The following TDRD5 variants were observed in gnomAD, a reference collection of about 807,000 sequenced individuals.
TDRD5 encodes the protein tudor domain-containing protein 5.
Under a neutral mutation model 120.6 loss-of-function variants are expected in TDRD5, and 41 were observed. The ratio of observed to expected loss-of-function variants is 0.34; its 90% CI spans 0.26 to 0.44. The LOEUF (loss-of-function observed/expected upper bound fraction) is 0.44. Among genes scored for constraint, TDRD5 ranks in the 20% least tolerant of loss-of-function variants. The probability of loss-of-function intolerance (pLI) is 1.00; values close to 1 mark genes in which losing one functional copy is unlikely to be tolerated. For missense variants in TDRD5, 1,006 were observed against 1,221.2 expected (o/e 0.82, Z 2.63); for synonymous variants, 430 against 433.7 (o/e 0.99, Z 0.11).
At position 179,618,599 on chromosome 1, in the gene TDRD5, C is replaced by G. The variant is rs367640101; in HGVS notation, c.832C>G (p.Leu278Val). ...TGACTTTTTTTTTCTTTTTTCATAG[C>G]TGGAGAACACATTCAAATCAGTTAT... ...RLNHTEKLNQ[L>V]ENTFKSVIAQ... Residue 278 changes from leucine (L) to valine (V), a missense_variant and splice_region_variant, in exon 5 of 18, where the codon CTG becomes GTG. This residue lies in a region of TDRD5 where 445 missense variants were observed against 515.5 expected (regional missense o/e 0.86). Coordinates refer to ENST00000444136, the MANE Select transcript of TDRD5 (RefSeq NM_001199085.3). 141 of 1,582,738 alleles carry G rather than the reference C, an allele frequency of 8.9e-5. No homozygotes were observed. Among genetic ancestry groups the G allele is most frequent in the Non-Finnish European group, 1.2e-4 (135 of 1,167,826 alleles).
intron 5 of TDRD5, among the ~76,000 whole-genome samples, chr1:179,620,363 T>C (rs966149303): frequency 6.6e-5 from 10 of 152,172 alleles, no homozygotes; most frequent in African/African-American, 2.4e-4. Context: ...TAAAAATCAT[T>C]GAACTAGTAT....
At chr1:179,607,662 G>A (rs10913832) in intron 4 of TDRD5, among the ~76,000 whole-genome samples, 14,608 of 151,640 alleles carry the variant, frequency 0.096, 804 homozygotes, top group African/African-American at 0.13. Flanking sequence ...TAAGAACCTC[G>A]GGACAGTAAA....
In TDRD5 at chr1:179,690,969, C is replaced by T. The variant is rs368077681; in HGVS notation, c.*26C>T. 8.7e-5 allele frequency: 139 copies of T among 1,594,732 alleles called. No individual in the cohort carries two copies. The African/African-American group carries it at 1.8e-3, about 20-fold the overall frequency. On this transcript the variant is annotated 3_prime_UTR_variant, in exon 18 of 18. Coordinates refer to ENST00000444136, the MANE Select transcript of TDRD5 (RefSeq NM_001199085.3). ...GGGAGGGAGGGAGGAGGGAGAAAAA[C>T]AGAATCCAGCCGCTTAGGCTTTGAT...
chr1:179,662,792 G>A (rs536815973), intron 15 of TDRD5, among the ~76,000 whole-genome samples: 1 of 152,216 alleles, frequency 6.6e-6, no homozygotes, highest in Non-Finnish European at 1.5e-5. Flanking sequence ...TAAACCATAG[G>A]CCAATTTTTG....
At chr1:179,615,721 C>A (rs1041724881) in intron 4 of TDRD5, among the ~76,000 whole-genome samples, 3 of 151,906 alleles carry the variant, frequency 2.0e-5, no homozygotes, top group African/African-American at 7.3e-5. Context: ...TTTAAAAAAT[C>A]TCCACTGCAT....
At chr1:179,632,805 T>A (rs1233182574) in intron 7 of TDRD5, among the ~76,000 whole-genome samples, 1 of 152,194 alleles carries the variant, frequency 6.6e-6, no homozygotes, top group Admixed American at 6.5e-5. Flanking sequence ...TGGGGTTCTA[T>A]CCCAATAAAC....
chr1:179,653,235 A>G (rs72706759), intron 13 of TDRD5, among the ~76,000 whole-genome samples: 5,787 of 152,290 alleles, frequency 0.038, 173 homozygotes, highest in East Asian at 0.11. Context: ...TATTGATACA[A>G]TGTCTTTTTA....
intron 17 of TDRD5, among the ~76,000 whole-genome samples, chr1:179,686,377 A>G (rs1437741894): frequency 6.6e-6 from 1 of 152,218 alleles, no homozygotes; most frequent in African/African-American, 2.4e-5. Flanking sequence ...CCAGCCTTGC[A>G]TTCCAGGGAT....
rs541406055 is a variant in TDRD5, at chr1:179,638,250, A to G, written c.1521-1589A>G. 1.3e-3 allele frequency among the ~76,000 whole-genome samples: 110 copies of G among 82,412 alleles called. 21 individuals are homozygous for G. The highest frequency in any genetic ancestry group is 4.2e-3 in the African/African-American group (101 of 24,136). 54.1% of individuals were successfully genotyped at this position (82,412 alleles called of 152,430 possible). A position where few individuals can be genotyped will look rare whatever the true frequency, so the allele number is the denominator to read the frequency against. On this transcript the variant is annotated intron_variant, in intron 9 of 17. Transcript: ENST00000444136. ...CTATTAGTGGACTAGTCTTGATGAG[A>G]GTGAGACTAGAAAGGAAGAGATAAA...
chr1:179,685,527 T>C (rs1302850355), intron 17 of TDRD5, among the ~76,000 whole-genome samples: 10 of 152,212 alleles, frequency 6.6e-5, no homozygotes, highest in Admixed American at 3.9e-4. Flanking sequence ...CAATGCGGGC[T>C]CTGTTTTGGT....
At chr1:179,649,511 C>T (rs1461123676) in intron 11 of TDRD5, among the ~76,000 whole-genome samples, 1 of 152,014 alleles carries the variant, frequency 6.6e-6, no homozygotes, top group Non-Finnish European at 1.5e-5. Flanking sequence ...TATATCTGAT[C>T]TGTTACTGAA....
Position 179,669,354 on chromosome 1 carries a change from C to T in TDRD5, c.2810C>T (p.Pro937Leu). 6.2e-7 allele frequency: 1 copy of T among 1,614,164 alleles called. No individual in the cohort carries two copies. Among genetic ancestry groups the T allele is most frequent in the African/African-American group, 1.3e-5 (1 of 75,036 alleles). Residue 937 changes from proline (P) to leucine (L), a missense_variant, in exon 17 of 18, where the codon CCC becomes CTC. This residue lies in a region of TDRD5 where 403 missense variants were observed against 448.1 expected (regional missense o/e 0.90). Coordinates refer to ENST00000444136, the MANE Select transcript of TDRD5 (RefSeq NM_001199085.3). ...PKQIQLSTAA[P>L]CSTTAVDDSA... is the part of the protein sequence containing the mutation. The stretch of plus-strand genomic sequence containing the variant: ...CAAATTCAGCTTTCCACAGCAGCAC[C>T]CTGTTCAACAACTGCAGTGGATGAT...
intron 4 of TDRD5, among the ~76,000 whole-genome samples, chr1:179,612,032 A>G (rs1237821470): frequency 1.3e-5 from 2 of 152,188 alleles, no homozygotes; most frequent in East Asian, 3.9e-4. Context: ...CTGTAGATCT[A>G]TTAGTTTGTT....
In TDRD5 at chr1:179,636,015, A is replaced by G. The variant is rs1315090461; in HGVS notation, c.1520+128A>G. The stretch of plus-strand genomic sequence containing the variant: ...GCTTTTTTTTATCAGTATTTATTGT[A>G]TAGAAATTAAAACTGTAAAATTTTA... On this transcript the variant is annotated intron_variant, in intron 9 of 17. Coordinates refer to ENST00000444136, the MANE Select transcript of TDRD5 (RefSeq NM_001199085.3). 15 of 626,694 alleles carry G rather than the reference A, an allele frequency of 2.4e-5. No individual in the cohort carries two copies. The Admixed American group carries it at 3.8e-4, about 16-fold the overall frequency. 38.8% of individuals were successfully genotyped at this position (626,694 alleles called of 1,614,324 possible).
chr1:179,600,471 A>G (rs1255515793), intron 4 of TDRD5, among the ~76,000 whole-genome samples: 3 of 152,200 alleles, frequency 2.0e-5, no homozygotes, highest in Non-Finnish European at 4.4e-5. Flanking sequence ...AGGTTATACC[A>G]TCTAGGTCTG....
intron 9 of TDRD5, among the ~76,000 whole-genome samples, chr1:179,637,814 C>T (rs141846075): frequency 2.0e-3 from 299 of 152,114 alleles, no homozygotes; most frequent in African/African-American, 6.9e-3. Context: ...TTTGCCTTTG[C>T]GAATACTGTG....
intron 17 of TDRD5, among the ~76,000 whole-genome samples, chr1:179,686,577 C>T (rs74851327): frequency 6.6e-6 from 1 of 152,140 alleles, no homozygotes; most frequent in African/African-American, 2.4e-5. Context: ...GGGGAGGATT[C>T]CCTCTTTTTC....
chr1:179,602,071 G>A (rs1387609024), intron 4 of TDRD5, among the ~76,000 whole-genome samples: 1 of 152,200 alleles, frequency 6.6e-6, no homozygotes, highest in Non-Finnish European at 1.5e-5. Context: ...CTCCCAAAGT[G>A]CTGGGATTAC....
chr1:179,641,421 T>A (rs1678042312), intron 11 of TDRD5, among the ~76,000 whole-genome samples: 1 of 151,680 alleles, frequency 6.6e-6, no homozygotes, highest in Admixed American at 6.6e-5. Flanking sequence ...TCTTAGCTAC[T>A]CAGGAGGCTG....
Sources: gnomAD v4.1 joint callset for allele counts (sites outside exome capture counted in the v4.1 genomes callset) on GRCh38, gnomAD v4.1.1 for gene constraint, gnomAD v4.1.1 regional missense constraint, MANE v1.5 for transcripts, NCBI Gene and HGNC (gene_info 2026-07-23, HGNC 2026-07-21) for gene names.